TMEM179: variants seen among roughly 807,000 people sequenced by gnomAD.
TMEM179 encodes the protein transmembrane protein 179A.
Under a neutral mutation model 22.2 loss-of-function variants are expected in TMEM179, and 17 were observed. That is an observed-to-expected ratio of 0.77 (90% CI 0.52 to 1.15). The LOEUF is 1.15. TMEM179 is among the 50% of genes most tolerant of loss of function. The pLI is 0.00. For synonymous variants in TMEM179, 127 were observed against 140.5 expected, an observed-to-expected ratio of 0.90 and a Z score of 0.68; for missense variants, 265 against 313.6, an observed-to-expected ratio of 0.84 and a Z score of 1.17.
intron 3 of TMEM179, chr14:104,594,552 C>T (rs796923808): frequency 1.5e-5 from 18 of 1,230,746 alleles, no homozygotes; most frequent in Admixed American, 1.3e-4. Flanking sequence ...CCGGCCCTCA[C>T]GGGCCACTGA....
intron 3 of TMEM179, chr14:104,594,060 A>G: frequency 8.1e-7 from 1 of 1,232,500 alleles, no homozygotes; most frequent in Non-Finnish European, 1.0e-6. Context: ...CCACCGGAAT[A>G]AATTGACCTT....
intron 1 of TMEM179, among the ~76,000 whole-genome samples, chr14:104,598,737 G>A (rs991793274): frequency 2.6e-5 from 4 of 152,188 alleles, no homozygotes; most frequent in Non-Finnish European, 1.5e-5. Context: ...CCGTCCACTG[G>A]CCCCAGTCCC....
intron 2 of TMEM179, 56 bp downstream of exon 2, chr14:104,596,934 G>A: frequency 6.3e-7 from 1 of 1,576,162 alleles, no homozygotes; most frequent in Non-Finnish European, 8.6e-7. Context: ...AGGGCAGGGT[G>A]TCAAGGGATC....
intron 3 of TMEM179, chr14:104,594,793 AG>A: frequency 8.2e-7 from 1 of 1,216,370 alleles, no homozygotes; most frequent in Non-Finnish European, 1.0e-6. Context: ...AGGCCCACCC[AG>A]CGCCAGCACC....
chr14:104,593,785 G>A (rs1483849487), intron 3 of TMEM179, 127 bp from the exon 4 acceptor site: 8 of 1,137,106 alleles, frequency 7.0e-6, no homozygotes, highest in Non-Finnish European at 8.2e-6. Context: ...AGGAGGCCGG[G>A]GACATGGGGC....
chr14:104,595,312 T>C lies in TMEM179; in HGVS notation c.444-69A>G. ...CCAGTGCGGGACATGGCTGAGCCGC[T>C]GGCCAGAGAGCCAGGAGCTTTGCCC... On this transcript the variant is annotated intron_variant, in intron 2 of 3. Coordinates refer to ENST00000556573, the MANE Select transcript of TMEM179 (RefSeq NM_001286389.2). The surrounding 1 kb of genome is among the most constrained non-coding windows in gnomAD (Gnocchi z 5.7). 6.7e-7 allele frequency: 1 copy of C among 1,486,076 alleles called. No homozygotes were observed. Among genetic ancestry groups the C allele is most frequent in the Non-Finnish European group, 9.2e-7 (1 of 1,086,702 alleles). The allele number at this position is 1,486,076 out of a possible 1,614,324, so 92.1% of individuals were successfully genotyped here.
At chr14:104,601,595 C>A (rs938407609) in intron 1 of TMEM179, among the ~76,000 whole-genome samples, 14 of 152,190 alleles carry the variant, frequency 9.2e-5, no homozygotes, top group African/African-American at 3.4e-4. Context: ...ATGGACTGTG[C>A]AGTGCATGAG....
chr14:104,601,869 G>A (rs10144804), intron 1 of TMEM179, among the ~76,000 whole-genome samples: 25 of 151,992 alleles, frequency 1.6e-4, no homozygotes, highest in Admixed American at 1.2e-3. Context: ...AGCCCCCCTC[G>A]ACAACCCTAA....
chr14:104,593,409 T>C lies in TMEM179; in HGVS notation c.*70A>G. On this transcript the variant is annotated 3_prime_UTR_variant, in exon 4 of 4. Coordinates refer to ENST00000556573, the MANE Select transcript of TMEM179 (RefSeq NM_001286389.2). ...GCCCAGGCAGAGCCCCCCAGCTGCT[T>C]CCCCAGGCAGGCCCGTGCCCCCGAG... is the stretch of plus-strand genomic sequence containing the variant. The C allele has an allele frequency of 2.6e-6, 4 of 1,522,318 alleles. No individual in the cohort carries two copies. The highest frequency in any genetic ancestry group is 3.5e-6 in the Non-Finnish European group (4 of 1,136,268). The allele number at this position is 1,522,318 out of a possible 1,614,324, so 94.3% of individuals were successfully genotyped here. A position where few individuals can be genotyped will look rare whatever the true frequency, so the allele number is the denominator to read the frequency against.
chr14:104,594,599 C>A, intron 3 of TMEM179: 6 of 1,229,608 alleles, frequency 4.9e-6, no homozygotes, highest in Non-Finnish European at 6.1e-6. Context: ...CAAATAGCGT[C>A]CCTCAGAGTG....
intron 1 of TMEM179, among the ~76,000 whole-genome samples, chr14:104,601,359 G>A (rs767323431): frequency 6.6e-6 from 1 of 152,134 alleles, no homozygotes; most frequent in Non-Finnish European, 1.5e-5. Flanking sequence ...AACATTATCT[G>A]GGGACTCCTA....
At position 104,594,990 on chromosome 14, in the gene TMEM179, C is replaced by G. The variant is rs559663407; in HGVS notation, c.522+175G>C. 15 of 1,481,596 alleles carry G rather than the reference C, an allele frequency of 1.0e-5. No individual in the cohort carries two copies. The Admixed American group carries it at 1.7e-4, about 17-fold the overall frequency. 91.8% of individuals were successfully genotyped at this position (1,481,596 alleles called of 1,614,324 possible). A position where few individuals can be genotyped will look rare whatever the true frequency, so the allele number is the denominator to read the frequency against. ...CACCTACAAAAGCCCAGCTCTCCCC[C>G]ACCTCCTGCAGGAAGCCTTCCCGAC... On this transcript the variant is annotated intron_variant, in intron 3 of 3. Transcript: ENST00000556573.
rs766542472 is a variant in TMEM179, at chr14:104,604,660, G to A, written c.82C>T (p.Leu28=). 1 of 1,595,650 alleles carries A rather than the reference G, an allele frequency of 6.3e-7. No homozygotes were observed. Among genetic ancestry groups the A allele is most frequent in the Non-Finnish European group, 8.5e-7 (1 of 1,172,838 alleles). The part of the protein sequence containing the change: ...FLFSFVVVVP[L]SENGHDFRGR... ...CGGAAGTCGTGGCCGTTCTCGGACA[G>A]CGGGACCACCACCACGAAGCTGAAC... Residue 28 remains leucine (L), a synonymous_variant, in exon 1 of 4, where the codon CTG becomes TTG. Coordinates refer to ENST00000556573, the MANE Select transcript of TMEM179 (RefSeq NM_001286389.2). The surrounding 1 kb of genome is among the most constrained non-coding windows in gnomAD (Gnocchi z 4.6).
intron 1 of TMEM179, among the ~76,000 whole-genome samples, chr14:104,601,601 A>G (rs1052886579): frequency 1.3e-5 from 2 of 152,190 alleles, no homozygotes; most frequent in African/African-American, 4.8e-5. Flanking sequence ...TGTGCAGTGC[A>G]TGAGGTGGGG....
intron 1 of TMEM179, among the ~76,000 whole-genome samples, chr14:104,598,494 T>C (rs1887119273): frequency 6.6e-6 from 1 of 152,244 alleles, no homozygotes; most frequent in Non-Finnish European, 1.5e-5. Context: ...ACTCGGCAGC[T>C]GCTGATGAGG....
chr14:104,594,795 C>A (rs75838789), intron 3 of TMEM179: 3 of 1,215,370 alleles, frequency 2.5e-6, no homozygotes, highest in South Asian at 2.8e-5. Flanking sequence ...GCCCACCCAG[C>A]GCCAGCACCA....
At position 104,594,045 on chromosome 14, in the gene TMEM179, T is replaced by TA. The variant is rs1886931707; in HGVS notation, c.523-388_523-387insT. On this transcript the variant is annotated intron_variant, in intron 3 of 3. Coordinates refer to ENST00000556573, the MANE Select transcript of TMEM179 (RefSeq NM_001286389.2). ...AGGGCGGGTAAACAGCGGAGGCTCC[T>TA]CCAACCACCGGAATAAATTGACCTT... is the stretch of plus-strand genomic sequence containing the variant. 9 of 1,230,436 alleles carry TA rather than the reference T, an allele frequency of 7.3e-6. No homozygotes were observed. In the East Asian group the frequency reaches 2.9e-4, roughly 39 times the overall value. 76.2% of individuals were successfully genotyped at this position (1,230,436 alleles called of 1,614,324 possible).
rs1429056305 is a variant in TMEM179, at chr14:104,593,295, C to A, written c.*184G>T. ...ATCAGGGAGCCGGCACCCACCCAGT[C>A]CACTGCCAGGCTCACAGGTGGGCAC... On this transcript the variant is annotated 3_prime_UTR_variant, in exon 4 of 4. Transcript: ENST00000556573. 100 of 695,720 alleles carry A rather than the reference C, an allele frequency of 1.4e-4. 2 individuals are homozygous for A. The East Asian group carries it at 2.7e-3, about 18-fold the overall frequency. The allele number at this position is 695,720 out of a possible 1,614,324, so 43.1% of individuals were successfully genotyped here.
chr14:104,594,717 C>T (rs1886959949), intron 3 of TMEM179: 1 of 1,159,996 alleles, frequency 8.6e-7, no homozygotes, highest in Non-Finnish European at 1.1e-6. Context: ...TGCCTCCTTC[C>T]TTGGACTCTG....
Sources: gnomAD v4.1 joint callset for allele counts (sites outside exome capture counted in the v4.1 genomes callset) on GRCh38, gnomAD v4.1.1 for gene constraint, Gnocchi (gnomAD v3.1) non-coding constraint, MANE v1.5 for transcripts, NCBI Gene and HGNC (gene_info 2026-07-23, HGNC 2026-07-21) for gene names.